The following RPGR variants were observed in gnomAD, a reference collection of about 807,000 sequenced individuals.
RPGR encodes the protein X-linked retinitis pigmentosa GTPase regulator.
A neutral mutation model predicts 56.3 loss-of-function variants in RPGR; 10 were observed. The ratio of observed to expected loss-of-function variants is 0.18; its 90% confidence interval spans 0.11 to 0.30. The LOEUF (loss-of-function observed/expected upper bound fraction) is 0.30, where lower values mean the gene tolerates loss of function less well. Ranked by LOEUF, RPGR falls within the 10% of genes least tolerant of loss-of-function variation. The pLI is 1.00. For missense variants in RPGR, 538 were observed against 590.9 expected (o/e 0.91, Z 0.93); for synonymous variants, 197 against 212.9 (o/e 0.93, Z 0.65).
At chrX:38,273,281 A>G (rs1258363672) in intron 18 of RPGR, 5 of 609,645 alleles carry the variant, frequency 8.2e-6, no homozygotes, top group Non-Finnish European at 1.3e-5. Flanking sequence ...TTTTGGGGCC[A>G]TGAAAACTCA....
At position 38,276,726 on chromosome X, in the gene RPGR, T is replaced by C; in HGVS notation, c.1952A>G (p.Asp651Gly). The C allele has an allele frequency of 8.3e-7, 1 of 1,210,557 alleles. No individual in the cohort carries two copies. Among genetic ancestry groups the C allele is most frequent in the South Asian group, 1.8e-5 (1 of 56,968 alleles). Residue 651 changes from aspartate to glycine, a missense_variant, in exon 16 of 19, where the codon GAT becomes GGT. Coordinates refer to ENST00000642395, the MANE Select transcript of RPGR (RefSeq NM_000328.3). The stretch of plus-strand genomic sequence containing the variant: ...CACATTTTCAGCATTAATTTCCTCA[T>C]CCACATCTTCTAGTTTTAGTTCCTC...
In RPGR at chrX:38,323,378, A is replaced by T. The variant is rs1169799657; in HGVS notation, c.154+21T>A. ...GAATTTTCTAAGTATTACTGTCCTTATTCAGGATTGTAATACTAACCGGTA... is the reference window on the plus strand; with the variant it reads ...GAATTTTCTAAGTATTACTGTCCTTTTTCAGGATTGTAATACTAACCGGTA... On this transcript the variant is annotated intron_variant, in intron 2 of 18. Coordinates refer to ENST00000642395, the MANE Select transcript of RPGR (RefSeq NM_000328.3). The T allele has an allele frequency of 1.0e-5, 12 of 1,187,628 alleles. No homozygotes were observed. In the East Asian group the frequency reaches 3.6e-4, roughly 35 times the overall value.
In RPGR at chrX:38,291,457, T is replaced by G. The variant is rs929135937; in HGVS notation, c.1442A>C (p.Glu481Ala). 6 of 1,155,793 alleles carry G rather than the reference T, an allele frequency of 5.2e-6. No individual in the cohort carries two copies. The African/African-American group carries it at 1.1e-4, about 21-fold the overall frequency. ...AGTTGAAGAATTATCTATCTCTGCTTCTTTGGTCATTTCATCTAGCAAATA... is the reference window on the plus strand; with the variant it reads ...AGTTGAAGAATTATCTATCTCTGCTGCTTTGGTCATTTCATCTAGCAAATA... The change falls in exon 12 of 19, where the codon GAA becomes GCA. Residue 481 changes from glutamate to alanine, a missense_variant. Around this residue, in one of 2 missense-constraint regions of RPGR, gnomAD observed 357 missense variants for 325.8 expected, o/e 1.10. Coordinates refer to ENST00000642395, the MANE Select transcript of RPGR (RefSeq NM_000328.3).
At chrX:38,315,021 A>G (rs5963401) in intron 6 of RPGR, among the ~76,000 whole-genome samples, 18,492 of 111,082 alleles carry the variant, frequency 0.17, 1,411 homozygotes, top group East Asian at 0.57. Flanking sequence ...GTGTTCATCA[A>G]TAGATGACTG....
Position 38,310,665 on chromosome X carries a change from T to C in RPGR, c.728A>G (p.Glu243Gly). 8.3e-7 allele frequency: 1 copy of C among 1,211,305 alleles called. No homozygotes were observed. ...ACCACAGGCTACTTGGATCACCTTC[T>C]CCGGAATTTCAGACACCAGCTGGGG... Residue 243 changes from glutamate (E) to glycine (G), a missense_variant, in exon 7 of 19, where the codon GAG (glutamate) becomes GGG (glycine). Glu to Gly is a moderately conservative substitution (Grantham distance 98). Coordinates refer to ENST00000642395, the MANE Select transcript of RPGR (RefSeq NM_000328.3).
At chrX:38,298,016 C>T (rs1388052486) in intron 10 of RPGR, among the ~76,000 whole-genome samples, 1 of 111,462 alleles carries the variant, frequency 9.0e-6, no homozygotes, top group Non-Finnish European at 1.9e-5. Flanking sequence ...GCCTGTAATC[C>T]CAGCAGGTTG....
chrX:38,275,226 G>T, intron 16 of RPGR: 1 of 801,316 alleles, frequency 1.2e-6, no homozygotes. Context: ...CTTTAAGCAG[G>T]TTCTAGAGTC....
intron 14 of RPGR, 115 bp from the exon 15 acceptor site, chrX:38,287,360 C>A: frequency 1.8e-6 from 2 of 1,091,710 alleles, no homozygotes; most frequent in Non-Finnish European, 2.5e-6. Flanking sequence ...ATGTTTTGGT[C>A]AGTTTCCACT....
chrX:38,309,230 C>G (rs1420530795), intron 7 of RPGR, among the ~76,000 whole-genome samples: 1 of 111,088 alleles, frequency 9.0e-6, no homozygotes, highest in Non-Finnish European at 1.9e-5. Context: ...AATTCAGATC[C>G]CAAAAGTAAC....
intron 7 of RPGR, among the ~76,000 whole-genome samples, chrX:38,309,628 G>C (rs942778972): frequency 3.6e-5 from 4 of 112,286 alleles, no homozygotes; most frequent in African/African-American, 1.3e-4. Context: ...AGGAGTTTGA[G>C]ACCAGCCTTG....
chrX:38,324,175 CTGGGCCCA>C (rs1309361387), intron 1 of RPGR, among the ~76,000 whole-genome samples: 1 of 111,887 alleles, frequency 8.9e-6, no homozygotes, highest in Non-Finnish European at 1.9e-5. Flanking sequence ...CCTCGACCTC[CTGGGCCCA>C]AGCAATCCTC....
intron 15 of RPGR, among the ~76,000 whole-genome samples, chrX:38,280,986 A>G (rs914583755): frequency 5.3e-5 from 6 of 112,217 alleles, no homozygotes; most frequent in African/African-American, 1.9e-4. Flanking sequence ...TTGGCTGATC[A>G]TACTACTTTA....
chrX:38,323,375 C>A, intron 2 of RPGR, 24 bp downstream of exon 2: 1 of 1,182,239 alleles, frequency 8.5e-7, no homozygotes, highest in South Asian at 1.8e-5. Context: ...TATTACTGTC[C>A]TTATTCAGGA....
chrX:38,296,301 C>T (rs777680139), intron 11 of RPGR, among the ~76,000 whole-genome samples: 4 of 109,832 alleles, frequency 3.6e-5, no homozygotes, highest in Non-Finnish European at 3.8e-5. Context: ...GGCGACAAAG[C>T]GAGAATCCGT....
At chrX:38,272,229 A>T (rs2066855732) in intron 18 of RPGR, 1 of 112,159 alleles carries the variant, frequency 8.9e-6, no homozygotes, top group Non-Finnish European at 1.9e-5. Context: ...TGAGAATTTT[A>T]AAAAAATTGA....
chrX:38,321,047 T>C lies in RPGR; in HGVS notation c.290A>G (p.Asn97Ser), dbSNP rs774670559. 8.3e-7 allele frequency: 1 copy of C among 1,206,945 alleles called. No individual in the cohort carries two copies. The highest frequency in any genetic ancestry group is 1.8e-5 in the South Asian group (1 of 56,856). Residue 97 changes from asparagine to serine, a missense_variant, in exon 4 of 19, where the codon AAC becomes AGC. Around this residue, in one of 2 missense-constraint regions of RPGR, gnomAD observed 181 missense variants for 265.1 expected, o/e 0.68. Coordinates refer to ENST00000642395, the MANE Select transcript of RPGR (RefSeq NM_000328.3). Reference sequence around the variant, plus strand: ...TATACCTGTTGACACCAGGGTGTGGTTCCTTCCACAGGCAGCTAATTTCAC... The same window carrying C: ...TATACCTGTTGACACCAGGGTGTGGCTCCTTCCACAGGCAGCTAATTTCAC...
At chrX:38,273,899 GTTTTAA>G (rs1039154803) in intron 17 of RPGR, 7 of 115,153 alleles carry the variant, frequency 6.1e-5, no homozygotes, top group African/African-American at 2.3e-4. Context: ...CATATGCATT[GTTTTAA>G]TTTTATATTA....
intron 13 of RPGR, among the ~76,000 whole-genome samples, chrX:38,290,302 GC>G (rs963894782): frequency 2.7e-5 from 3 of 111,430 alleles, no homozygotes; most frequent in African/African-American, 9.8e-5. Context: ...AGTCCTTAAA[GC>G]CAGGAAAAGC....
In RPGR at chrX:38,269,710, G is replaced by A. The variant is rs1391062756; in HGVS notation, c.2364C>T (p.Ala788=). The A allele has an allele frequency of 5.0e-6, 6 of 1,207,725 alleles. No individual in the cohort carries two copies. The highest frequency in any genetic ancestry group is 2.2e-5 in the Admixed American group (1 of 45,935). Residue 788 remains alanine, a synonymous_variant, in exon 19 of 19, where the codon GCC becomes GCT. Transcript: ENST00000642395. ...GATTCTGACTCATGTGGTTCTGGTC[G>A]GCATCTTTATTATCACTTTTTAAAA...
Sources: gnomAD v4.1 joint callset for allele counts (sites outside exome capture counted in the v4.1 genomes callset) on GRCh38, gnomAD v4.1.1 for gene constraint, gnomAD v4.1.1 regional missense constraint, MANE v1.5 for transcripts, NCBI Gene and HGNC (gene_info 2026-07-23, HGNC 2026-07-21) for gene names.